Variants in CASZ1 observed in about 807,000 individuals in gnomAD.
The protein encoded by CASZ1 is zinc finger protein castor homolog 1.
A neutral mutation model predicts 135.2 loss-of-function variants in CASZ1; 28 were observed. That is an observed-to-expected ratio of 0.21 (90% confidence interval 0.15 to 0.28). The LOEUF (loss-of-function observed/expected upper bound fraction) is 0.28, where lower values mean the gene tolerates loss of function less well. Ranked by LOEUF, CASZ1 falls within the 10% of genes least tolerant of loss-of-function variation. The pLI is 1.00. For missense variants in CASZ1, 2,161 were observed against 2,453.3 expected, an observed-to-expected ratio of 0.88 and a Z score of 2.52; for synonymous variants, 1,068 against 1,073.4, an observed-to-expected ratio of 0.99 and a Z score of 0.10.
intron 4 of CASZ1, among the ~76,000 whole-genome samples, chr1:10,682,599 C>T (rs759922216): frequency 6.6e-6 from 1 of 152,336 alleles, no homozygotes; most frequent in Admixed American, 6.5e-5. Context: ...GGACTGAGAA[C>T]CCTGAACAGA....
intron 4 of CASZ1, among the ~76,000 whole-genome samples, chr1:10,669,503 G>T (rs1361444572): frequency 6.6e-6 from 1 of 152,242 alleles, no homozygotes; most frequent in Non-Finnish European, 1.5e-5. Flanking sequence ...TCGGGAGAAG[G>T]CCCCGTTATG....
At chr1:10,791,178 A>AG (rs1322106270) in intron 1 of CASZ1, among the ~76,000 whole-genome samples, 2 of 152,170 alleles carry the variant, frequency 1.3e-5, no homozygotes, top group Non-Finnish European at 2.9e-5. Flanking sequence ...TGTAGGTCTA[A>AG]GGGGAAAAGC....
rs749326970 is a variant in CASZ1, at chr1:10,782,802, CT to C, written c.-234+13761del. Among the ~76,000 whole-genome samples, 47 of 152,288 alleles carry C rather than the reference CT, an allele frequency of 3.1e-4. No individual in the cohort carries two copies. The Middle Eastern group carries it at 0.017, about 55-fold the overall frequency. On this transcript the variant is annotated intron_variant, in intron 1 of 20. Coordinates refer to ENST00000377022, the MANE Select transcript of CASZ1 (RefSeq NM_001079843.3). ...GGGCCGTCCCTGGGAGGGGGGAAGG[CT>C]GGGGCACGACCCCTGCTGATAGTGT...
Position 10,735,808 on chromosome 1 carries a change from G to A in CASZ1, c.-77+24893C>T, listed in dbSNP as rs1639787011. On this transcript the variant is annotated intron_variant, in intron 2 of 20. Coordinates refer to ENST00000377022, the MANE Select transcript of CASZ1 (RefSeq NM_001079843.3). This position sits in a 1 kb window ranked among gnomAD's most constrained non-coding sequence, Gnocchi z 5.1. The stretch of plus-strand genomic sequence containing the variant: ...TGCCTCGCTCTGGGCTGCACCAAGG[G>A]GACACTGGGAGTTGTAGGTAGTCAG... Among the ~76,000 whole-genome samples the A allele has an allele frequency of 6.6e-6, 1 of 152,126 alleles. No individual in the cohort carries two copies. Among genetic ancestry groups the A allele is most frequent in the Non-Finnish European group, 1.5e-5 (1 of 68,014 alleles).
rs496795 is a variant in CASZ1 at position 10,697,599 on chromosome 1, G to A, written c.-23-3687C>T. 2.7e-5 allele frequency among the ~76,000 whole-genome samples: 4 copies of A among 148,576 alleles called. No individual in the cohort carries two copies. The highest frequency in any genetic ancestry group is 6.0e-5 in the Non-Finnish European group (4 of 67,138). On this transcript the variant is annotated intron_variant, in intron 3 of 20. Coordinates refer to ENST00000377022, the MANE Select transcript of CASZ1 (RefSeq NM_001079843.3). This position sits in a 1 kb window ranked among gnomAD's most constrained non-coding sequence, Gnocchi z 4.7. ...ATCGCTGGTTCCTGTTACCCCCCCC[G>A]CACCCCCAAGTTGCCCACCTACACT...
intron 4 of CASZ1, among the ~76,000 whole-genome samples, chr1:10,671,742 C>T (rs920002726): frequency 1.1e-4 from 17 of 152,218 alleles, no homozygotes; most frequent in African/African-American, 3.9e-4. Flanking sequence ...GATGTCACCT[C>T]GGGTCCTTAC....
rs1337603324 is a variant in CASZ1 at position 10,660,592 on chromosome 1, G to A, written c.506-56C>T. 28 of 1,504,522 alleles carry A rather than the reference G, an allele frequency of 1.9e-5. No individual in the cohort carries two copies. In the East Asian group the frequency reaches 6.3e-4, roughly 34 times the overall value. The allele number at this position is 1,504,522 out of a possible 1,614,324, so 93.2% of individuals were successfully genotyped here. The stretch of plus-strand genomic sequence containing the variant: ...TGGGAGGGAGTGGGAGGGACAGGAG[G>A]TCCCCCCACTGGGGGCCCCCACCCA... On this transcript the variant is annotated intron_variant, in intron 5 of 20. Coordinates refer to ENST00000377022, the MANE Select transcript of CASZ1 (RefSeq NM_001079843.3).
chr1:10,688,711 A>G (rs1638671812), intron 4 of CASZ1, among the ~76,000 whole-genome samples: 1 of 152,172 alleles, frequency 6.6e-6, no homozygotes, highest in Admixed American at 6.5e-5. Flanking sequence ...GGTGTCTTAC[A>G]TCCTGCTGAG....
intron 2 of CASZ1, among the ~76,000 whole-genome samples, chr1:10,750,739 A>C (rs1640136054): frequency 6.6e-6 from 1 of 152,080 alleles, no homozygotes. Flanking sequence ...ATCTCTACTA[A>C]AAATACAAAA....
In CASZ1 at chr1:10,703,145, C is replaced by T. The variant is rs1251621202; in HGVS notation, c.-24+2347G>A. 1.2e-4 allele frequency among the ~76,000 whole-genome samples: 19 copies of T among 152,138 alleles called. 1 individual carries two copies. Among genetic ancestry groups the T allele is most frequent in the Admixed American group, 9.8e-4 (15 of 15,276 alleles). The stretch of plus-strand genomic sequence containing the variant: ...AAGAGAGACGGCAGCAGACCTAGCA[C>T]GAGAGGAGGCCCAGCAGACTCTGCA... On this transcript the variant is annotated intron_variant, in intron 3 of 20. Transcript: ENST00000377022.
chr1:10,772,465 C>T (rs1228751458), intron 1 of CASZ1, among the ~76,000 whole-genome samples: 5 of 152,124 alleles, frequency 3.3e-5, no homozygotes, highest in Non-Finnish European at 7.4e-5. Context: ...CAGGGTGTCC[C>T]TGCTCTCTGC....
At chr1:10,754,901 G>A (rs967790355) in intron 2 of CASZ1, among the ~76,000 whole-genome samples, 19 of 152,226 alleles carry the variant, frequency 1.2e-4, no homozygotes, top group African/African-American at 4.6e-4. Context: ...TGCTTTTCCC[G>A]ATTAGCATTT....
At chr1:10,710,484 G>A (rs1639264959) in intron 2 of CASZ1, among the ~76,000 whole-genome samples, 1 of 152,200 alleles carries the variant, frequency 6.6e-6, no homozygotes, top group Non-Finnish European at 1.5e-5. Context: ...CCAAGTTGGT[G>A]GCCTAGTTTG....
chr1:10,701,055 A>G lies in CASZ1; in HGVS notation c.-24+4437T>C, dbSNP rs899604401. ...ATTAGCTGTTAATATGGATCAGTCC[A>G]AGGCCTGGGCTGGTGTCCATGGGTG... On this transcript the variant is annotated intron_variant, in intron 3 of 20. Coordinates refer to ENST00000377022, the MANE Select transcript of CASZ1 (RefSeq NM_001079843.3). The surrounding 1 kb of genome is among the most constrained non-coding windows in gnomAD (Gnocchi z 6.3). 2.0e-5 allele frequency among the ~76,000 whole-genome samples: 3 copies of G among 152,196 alleles called. No individual in the cohort carries two copies. The highest frequency in any genetic ancestry group is 6.5e-5 in the Admixed American group (1 of 15,284).
At chr1:10,642,606 C>T (rs1445403791) in intron 20 of CASZ1, among the ~76,000 whole-genome samples, 2 of 152,128 alleles carry the variant, frequency 1.3e-5, no homozygotes, top group Admixed American at 6.5e-5. Context: ...TGCGCTGCTC[C>T]CGCTGTGGCT....
Position 10,679,011 on chromosome 1 carries a change from C to G in CASZ1, c.17-13440G>C, listed in dbSNP as rs1570463899. The stretch of plus-strand genomic sequence containing the variant: ...GTCTGCCCGCCCGCTGTGAGCCAGC[C>G]CACCCCTGGCTTCCGCTCTCTGGCT... On this transcript the variant is annotated intron_variant, in intron 4 of 20. Coordinates refer to ENST00000377022, the MANE Select transcript of CASZ1 (RefSeq NM_001079843.3). This position sits in a 1 kb window ranked among gnomAD's most constrained non-coding sequence, Gnocchi z 4.7. Among the ~76,000 whole-genome samples the G allele has an allele frequency of 6.6e-6, 1 of 152,124 alleles. No homozygotes were observed. The highest frequency in any genetic ancestry group is 2.4e-5 in the African/African-American group (1 of 41,430).
chr1:10,650,671 C>A (rs200491317), intron 13 of CASZ1, 21 bp downstream of exon 13: 10 of 1,600,650 alleles, frequency 6.2e-6, no homozygotes, highest in Non-Finnish European at 8.6e-6. Flanking sequence ...GAACGGGAGG[C>A]GTGTGATGGA....
At chr1:10,673,774 G>A (rs1359214117) in intron 4 of CASZ1, among the ~76,000 whole-genome samples, 1 of 152,202 alleles carries the variant, frequency 6.6e-6, no homozygotes, top group African/African-American at 2.4e-5. Flanking sequence ...GTGGGGCGAG[G>A]GCAGGACAGC....
chr1:10,701,085 C>G lies in CASZ1; in HGVS notation c.-24+4407G>C, dbSNP rs1222330569. ...CTGGGCTGGTGTCCATGGGTGTATA[C>G]CATTGGTGCTTACAAATATCTACTT... On this transcript the variant is annotated intron_variant, in intron 3 of 20. Coordinates refer to ENST00000377022, the MANE Select transcript of CASZ1 (RefSeq NM_001079843.3). The surrounding 1 kb of genome is among the most constrained non-coding windows in gnomAD (Gnocchi z 6.3). Among the ~76,000 whole-genome samples the G allele has an allele frequency of 6.6e-6, 1 of 152,132 alleles. No homozygotes were observed. Among genetic ancestry groups the G allele is most frequent in the Non-Finnish European group, 1.5e-5 (1 of 68,024 alleles).
Sources: gnomAD v4.1 joint callset for allele counts (sites outside exome capture counted in the v4.1 genomes callset) on GRCh38, gnomAD v4.1.1 for gene constraint, Gnocchi (gnomAD v3.1) non-coding constraint, MANE v1.5 for transcripts, NCBI Gene and HGNC (gene_info 2026-07-23, HGNC 2026-07-21) for gene names.